PCDHA2: variants seen among roughly 807,000 people sequenced by gnomAD.
The protein encoded by PCDHA2 is protocadherin alpha 2.
Under a neutral mutation model 66.0 loss-of-function variants are expected in PCDHA2, and 58 were observed. The ratio of observed to expected loss-of-function variants is 0.88; its 90% CI spans 0.71 to 1.09. PCDHA2 has a LOEUF of 1.09. Ranked by LOEUF, PCDHA2 falls within the 50% of genes least tolerant of loss-of-function variation. The probability of loss-of-function intolerance (pLI) is 0.00; values close to 1 mark genes in which losing one functional copy is unlikely to be tolerated. For synonymous variants in PCDHA2, 634 were observed against 554.0 expected (o/e 1.14, Z -2.03); for missense variants, 1,267 against 1,242.3 (o/e 1.02, Z -0.30).
intron 1 of PCDHA2, chr5:140,863,982 CAG>C (rs1167037323): frequency 6.5e-6 from 1 of 152,978 alleles, no homozygotes; most frequent in Non-Finnish European, 1.5e-5. Context: ...GCCTGGGAGA[CAG>C]GGTGAAACTC....
At chr5:140,836,646 C>A (rs1554136175) in intron 1 of PCDHA2, 7 of 1,613,258 alleles carry the variant, frequency 4.3e-6, no homozygotes, top group Admixed American at 3.3e-5. Flanking sequence ...CCAGCAGAGG[C>A]GGCAGAGGGT....
chr5:140,966,953 C>A, intron 1 of PCDHA2: 1 of 1,603,802 alleles, frequency 6.2e-7, no homozygotes. Flanking sequence ...CAACGTGGCT[C>A]GCGCGCTGGG....
intron 1 of PCDHA2, chr5:140,803,394 G>A: frequency 6.2e-7 from 1 of 1,614,250 alleles, no homozygotes; most frequent in Non-Finnish European, 8.5e-7. Context: ...AGGCGACTGT[G>A]GGCCGGGCAA....
chr5:141,008,437 C>T (rs1261106138), intron 3 of PCDHA2, among the ~76,000 whole-genome samples: 1 of 152,182 alleles, frequency 6.6e-6, no homozygotes. Context: ...TTTGCCCAGA[C>T]AGACCATTAC....
chr5:140,950,809 A>G (rs1554219635), intron 1 of PCDHA2, among the ~76,000 whole-genome samples: 1 of 152,102 alleles, frequency 6.6e-6, no homozygotes, highest in African/African-American at 2.4e-5. Context: ...GTTTTACCAT[A>G]GTAGGGTTAA....
intron 1 of PCDHA2, chr5:140,823,332 G>A: frequency 6.2e-7 from 1 of 1,612,144 alleles, no homozygotes; most frequent in Non-Finnish European, 8.5e-7. Context: ...TGTACGCGCT[G>A]CAGCCGCTGG....
chr5:140,884,947 C>CA (rs2060414559), intron 1 of PCDHA2, among the ~76,000 whole-genome samples: 1 of 152,090 alleles, frequency 6.6e-6, no homozygotes, highest in Non-Finnish European at 1.5e-5. Context: ...TGAGCATTTA[C>CA]AAAAAATTCC....
chr5:140,805,205 A>G, intron 1 of PCDHA2: 2 of 1,436,288 alleles, frequency 1.4e-6, no homozygotes, highest in Non-Finnish European at 1.8e-6. Context: ...TAGCTACCAA[A>G]TAAACATTGT....
chr5:140,939,246 C>A (rs536477969), intron 1 of PCDHA2, among the ~76,000 whole-genome samples: 1 of 152,112 alleles, frequency 6.6e-6, no homozygotes, highest in South Asian at 2.1e-4. Context: ...AGCAAGGTAG[C>A]TCTCTGGAAC....
chr5:140,832,241 T>C (rs2150200377), intron 1 of PCDHA2, among the ~76,000 whole-genome samples: 28 of 152,212 alleles, frequency 1.8e-4, no homozygotes, highest in Non-Finnish European at 3.4e-4. Context: ...ACTTTTTGTG[T>C]TGTCCATGTT....
chr5:140,869,374 G>A, intron 1 of PCDHA2: 1 of 1,614,124 alleles, frequency 6.2e-7, no homozygotes, highest in Non-Finnish European at 8.5e-7. Context: ...TTCTCGGATC[G>A]ACCGCGAGGA....
chr5:140,838,638 C>T (rs1775813369), intron 1 of PCDHA2, among the ~76,000 whole-genome samples: 1 of 151,758 alleles, frequency 6.6e-6, no homozygotes, highest in Non-Finnish European at 1.5e-5. Flanking sequence ...TTTGGTTGGT[C>T]AAAAAAATGA....
intron 1 of PCDHA2, chr5:140,868,886 A>G: frequency 1.4e-6 from 1 of 730,322 alleles, no homozygotes; most frequent in Non-Finnish European, 2.1e-6. Context: ...TCACAGTTTT[A>G]GGCGCAAGGT....
At chr5:140,823,015 C>T (rs2150121299) in intron 1 of PCDHA2, 6 of 1,614,106 alleles carry the variant, frequency 3.7e-6, no homozygotes, top group East Asian at 2.2e-5. Flanking sequence ...CGCCCTGGAC[C>T]GCGAGAGCGT....
intron 1 of PCDHA2, chr5:140,813,173 T>C (rs1377000127): frequency 6.6e-6 from 1 of 152,212 alleles, no homozygotes; most frequent in Non-Finnish European, 1.5e-5. Flanking sequence ...ATAGTGTTGT[T>C]CAAGTCCTCT....
At chr5:140,857,146 C>T (rs1554149571) in intron 1 of PCDHA2, 3 of 1,598,132 alleles carry the variant, frequency 1.9e-6, no homozygotes, top group East Asian at 2.2e-5. Flanking sequence ...AAGTGGGCAC[C>T]GTCATTGCCC....
At position 141,003,197 on chromosome 5, in the gene PCDHA2, C is replaced by T. The variant is rs77453404; in HGVS notation, c.2537-6430C>T. 6.7e-3 allele frequency among the ~76,000 whole-genome samples: 1,024 copies of T among 152,320 alleles called. 13 individuals are homozygous for T. Among genetic ancestry groups the T allele is most frequent in the African/African-American group, 0.024 (986 of 41,560 alleles). On this transcript the variant is annotated intron_variant, in intron 3 of 3. Transcript: ENST00000526136. ...GGCTCAACTCCATCAACTCAGGCAGCCAGGGTTAGTTTAGCATGAAAGAGG... is the reference window on the plus strand; with the variant it reads ...GGCTCAACTCCATCAACTCAGGCAGTCAGGGTTAGTTTAGCATGAAAGAGG...
chr5:140,922,101 G>A (rs531054386), intron 1 of PCDHA2, among the ~76,000 whole-genome samples: 1 of 152,086 alleles, frequency 6.6e-6, no homozygotes, highest in Admixed American at 6.5e-5. Context: ...ACCAACTATA[G>A]ATAAATGAAA....
chr5:140,996,799 T>C (rs1372599057), intron 3 of PCDHA2, among the ~76,000 whole-genome samples: 3 of 152,306 alleles, frequency 2.0e-5, no homozygotes, highest in African/African-American at 7.2e-5. Context: ...CTACATCCAA[T>C]CATGCTTTCC....
Sources: allele counts gnomAD v4.1 joint callset (sites outside exome capture counted in the v4.1 genomes callset), GRCh38; gene constraint gnomAD v4.1.1; transcripts MANE v1.5; gene names NCBI Gene and HGNC (gene_info 2026-07-23, HGNC 2026-07-21).